KALRN: variants seen among roughly 807,000 people sequenced by gnomAD.
The protein encoded by KALRN is kalirin RhoGEF kinase.
In KALRN, 70 loss-of-function variants were observed where a neutral mutation model predicts 353.7. That is an observed-to-expected ratio of 0.20 (90% CI 0.16 to 0.24). The LOEUF is 0.24. KALRN is among the 10% of genes least tolerant of loss of function. The pLI is 1.00. For missense variants in KALRN, 2,791 were observed against 3,756.7 expected, an observed-to-expected ratio of 0.74 and a Z score of 6.72; for synonymous variants, 1,391 against 1,434.8, an observed-to-expected ratio of 0.97 and a Z score of 0.69.
chr3:124,566,192 G>A (rs550034314), intron 34 of KALRN, among the ~76,000 whole-genome samples: 43 of 152,174 alleles, frequency 2.8e-4, no homozygotes, highest in African/African-American at 9.6e-4. Context: ...AGAGGTCCCC[G>A]ACTCCCAACA....
intron 34 of KALRN, chr3:124,584,790 G>A (rs768654397): frequency 6.3e-7 from 1 of 1,583,822 alleles, no homozygotes; most frequent in Admixed American, 1.8e-5. Flanking sequence ...GGCGCCCCGT[G>A]CCATGCGGGA....
chr3:124,295,190 G>A (rs1397393916), intron 5 of KALRN, among the ~76,000 whole-genome samples: 2 of 152,174 alleles, frequency 1.3e-5, no homozygotes, highest in Non-Finnish European at 2.9e-5. Context: ...TTGTCCCTTA[G>A]GAAACCTTGG....
rs193115779 is a variant in KALRN at position 124,397,070 on chromosome 3, G to A, written c.2172-1627G>A. Among the ~76,000 whole-genome samples, 242 of 152,324 alleles carry A rather than the reference G, an allele frequency of 1.6e-3. 1 individual carries two copies. The highest frequency in any genetic ancestry group is 2.4e-3 in the Non-Finnish European group (165 of 68,040). On this transcript the variant is annotated intron_variant, in intron 12 of 59. Coordinates refer to ENST00000682506, the MANE Select transcript of KALRN (RefSeq NM_001388419.1). ...GCATCATCTCTGTGATTCCTAGTGA[G>A]TGTGACACTGACATAGTGCTGCATA...
At chr3:124,272,668 C>T (rs1206371235) in intron 5 of KALRN, among the ~76,000 whole-genome samples, 1 of 151,950 alleles carries the variant, frequency 6.6e-6, no homozygotes, top group African/African-American at 2.4e-5. Flanking sequence ...CGAGGGCAGC[C>T]CAGGAATATT....
chr3:124,265,201 G>T (rs1461691272), intron 4 of KALRN, among the ~76,000 whole-genome samples: 2 of 149,232 alleles, frequency 1.3e-5, no homozygotes, highest in East Asian at 3.9e-4. Context: ...ATAAATGATT[G>T]TTAACTATAA....
At chr3:124,673,734 A>T (rs368952811) in intron 48 of KALRN, among the ~76,000 whole-genome samples, 1 of 152,108 alleles carries the variant, frequency 6.6e-6, no homozygotes, top group East Asian at 1.9e-4. Flanking sequence ...GCTGCCCTGA[A>T]ATAGACTCAC....
At chr3:124,218,018 T>G (rs367928362) in intron 1 of KALRN, among the ~76,000 whole-genome samples, 9 of 152,208 alleles carry the variant, frequency 5.9e-5, no homozygotes, top group Admixed American at 2.0e-4. Context: ...GAAGAAACTC[T>G]AGGCTTGGGT....
intron 13 of KALRN, among the ~76,000 whole-genome samples, chr3:124,412,674 C>A (rs1448937823): frequency 6.6e-6 from 1 of 152,160 alleles, no homozygotes; most frequent in Non-Finnish European, 1.5e-5. Context: ...TAGCAAGCTG[C>A]TATTAAGGCA....
At position 124,202,566 on chromosome 3, in the gene KALRN, T is replaced by C. The variant is rs1407765248; in HGVS notation, c.74-25424T>C. Among the ~76,000 whole-genome samples the C allele has an allele frequency of 2.0e-5, 3 of 152,262 alleles. No individual in the cohort carries two copies. In the East Asian group the frequency reaches 5.8e-4, roughly 29 times the overall value. ...CGTGCAGCCTACCCTAGTTTTTTAA[T>C]GAGAAGTCGGGTAACCTAATTTTCT... On this transcript the variant is annotated intron_variant, in intron 1 of 59. Transcript: ENST00000682506.
chr3:124,468,571 A>C (rs1312867383), intron 25 of KALRN, among the ~76,000 whole-genome samples: 1 of 152,206 alleles, frequency 6.6e-6, no homozygotes, highest in African/African-American at 2.4e-5. Context: ...CTTTGGTGTT[A>C]GTGGTTTCTC....
intron 15 of KALRN, among the ~76,000 whole-genome samples, chr3:124,424,144 C>T (rs1003775242): frequency 6.6e-6 from 1 of 152,146 alleles, no homozygotes; most frequent in Non-Finnish European, 1.5e-5. Context: ...CCACCACTCT[C>T]CACAGGTCCC....
intron 1 of KALRN, among the ~76,000 whole-genome samples, chr3:124,112,101 G>A (rs1006578448): frequency 4.6e-5 from 7 of 151,994 alleles, no homozygotes; most frequent in Non-Finnish European, 8.8e-5. Flanking sequence ...TCAGGATTTC[G>A]AGACCAGACT....
At chr3:124,037,017 A>G (rs930133634) in intron 1 of KALRN, among the ~76,000 whole-genome samples, 4 of 152,322 alleles carry the variant, frequency 2.6e-5, no homozygotes, top group African/African-American at 9.6e-5. Flanking sequence ...TCCAAGCCTG[A>G]GAAAGTGTGT....
intron 1 of KALRN, among the ~76,000 whole-genome samples, chr3:124,054,349 C>T (rs2041320646): frequency 9.8e-5 from 1 of 10,166 alleles, no homozygotes; most frequent in Admixed American, 2.6e-3. Flanking sequence ...ATAGCAAGAC[C>T]CCATCACTTA....
chr3:124,654,483 A>G (rs1039265086), intron 38 of KALRN, among the ~76,000 whole-genome samples: 1 of 152,230 alleles, frequency 6.6e-6, no homozygotes, highest in Non-Finnish European at 1.5e-5. Context: ...ACTTGTGCCC[A>G]AAATGCAATT....
At chr3:124,272,135 A>G (rs1014182906) in intron 5 of KALRN, among the ~76,000 whole-genome samples, 1 of 152,230 alleles carries the variant, frequency 6.6e-6, no homozygotes, top group African/African-American at 2.4e-5. Flanking sequence ...CTGCATATGT[A>G]TCCCTTGAAT....
chr3:124,334,704 T>C lies in KALRN; in HGVS notation c.1647+209T>C, dbSNP rs2080945229. Among the ~76,000 whole-genome samples, 1 of 152,226 alleles carries C rather than the reference T, an allele frequency of 6.6e-6. No homozygotes were observed. The highest frequency in any genetic ancestry group is 2.1e-4 in the South Asian group (1 of 4,826). The stretch of plus-strand genomic sequence containing the variant: ...CATATTTCTTGCCTAAGTGACTGTA[T>C]AGACTGGCCTTCTCACCACGTGGTA... On this transcript the variant is annotated intron_variant, in intron 9 of 59. Coordinates refer to ENST00000682506, the MANE Select transcript of KALRN (RefSeq NM_001388419.1). The surrounding 1 kb of genome is among the most constrained non-coding windows in gnomAD (Gnocchi z 4.2).
chr3:124,077,346 A>G (rs770446813), intron 1 of KALRN, among the ~76,000 whole-genome samples: 74 of 152,306 alleles, frequency 4.9e-4, no homozygotes, highest in Non-Finnish European at 7.2e-4. Flanking sequence ...GCTTAGGGAG[A>G]GGAAAAGAGT....
chr3:124,283,511 G>T (rs1371296201), intron 5 of KALRN, among the ~76,000 whole-genome samples: 3 of 152,076 alleles, frequency 2.0e-5, no homozygotes, highest in Non-Finnish European at 4.4e-5. Context: ...GCTGACTCCT[G>T]GCTTGGTTAG....
Sources: allele counts gnomAD v4.1 joint callset (sites outside exome capture counted in the v4.1 genomes callset), GRCh38; gene constraint gnomAD v4.1.1; non-coding constraint Gnocchi (gnomAD v3.1); transcripts MANE v1.5; gene names NCBI Gene and HGNC (gene_info 2026-07-23, HGNC 2026-07-21).